Variants in STON2 observed in about 807,000 individuals in gnomAD.
STON2 encodes stonin-2.
In STON2, 29 loss-of-function variants were observed where a neutral mutation model predicts 65.7. The observed-to-expected ratio is 0.44, with a 90% CI of 0.33 to 0.60. The LOEUF (loss-of-function observed/expected upper bound fraction) is 0.60, where lower values mean the gene tolerates loss of function less well. STON2 is among the 20% of genes least tolerant of loss of function. The probability of loss-of-function intolerance (pLI) is 0.03; values close to 1 mark genes in which losing one functional copy is unlikely to be tolerated. For synonymous variants in STON2, 404 were observed against 414.2 expected (o/e 0.98, Z 0.30); for missense variants, 1,054 against 1,118.1 (o/e 0.94, Z 0.82).
chr14:81,429,934 CA>C lies in STON2; in HGVS notation c.-309-2723del, dbSNP rs371030408. On this transcript the variant is annotated intron_variant, in intron 1 of 8. Transcript: ENST00000553821. ...TGGGTGACACAGCAAGACTCTGTCT[CA>C]AAAAAAAAAAAAAGAAAAAAGTCAT... 9.2e-3 allele frequency among the ~76,000 whole-genome samples: 1,186 copies of C among 128,594 alleles called. 4 individuals are homozygous for C. Among genetic ancestry groups the C allele is most frequent in the South Asian group, 0.033 (134 of 4,070 alleles). The allele number at this position is 128,594 out of a possible 152,430, so 84.4% of individuals were successfully genotyped here.
intron 4 of STON2, among the ~76,000 whole-genome samples, chr14:81,335,214 TTA>T (rs920647184): frequency 6.6e-6 from 1 of 152,086 alleles, no homozygotes; most frequent in Non-Finnish European, 1.5e-5. Context: ...GACCCATTCT[TTA>T]TATAAAGACT....
intron 5 of STON2, among the ~76,000 whole-genome samples, chr14:81,298,417 G>GA (rs1555396826): frequency 1.1e-3 from 43 of 39,376 alleles, no homozygotes; most frequent in African/African-American, 4.0e-3. Flanking sequence ...CTTCAGATGG[G>GA]GGGGGGGAAT....
chr14:81,396,555 T>C (rs540798952), intron 2 of STON2, among the ~76,000 whole-genome samples: 72 of 152,326 alleles, frequency 4.7e-4, no homozygotes, highest in African/African-American at 1.7e-3. Context: ...GTGGGGACTG[T>C]GGCTGAACAA....
At position 81,412,744 on chromosome 14, in the gene STON2, T is replaced by G. The variant is rs183624189; in HGVS notation, c.-198-14164A>C. Among the ~76,000 whole-genome samples, 356 of 140,064 alleles carry G rather than the reference T, an allele frequency of 2.5e-3. 38 individuals are homozygous for G. Among genetic ancestry groups the G allele is most frequent in the Non-Finnish European group, 1.6e-3 (107 of 66,978 alleles). The allele number at this position is 140,064 out of a possible 152,430, so 91.9% of individuals were successfully genotyped here. On this transcript the variant is annotated intron_variant, in intron 2 of 8. Transcript: ENST00000553821. ...AGGTGGTCCATTTTATAGTTGTAAT[T>G]TAACAGAATTTTTTAAATTAAAAAA...
At chr14:81,411,983 G>T (rs1257156625) in intron 2 of STON2, among the ~76,000 whole-genome samples, 1 of 128,396 alleles carries the variant, frequency 7.8e-6, no homozygotes, top group African/African-American at 3.4e-5. Flanking sequence ...AAGTGAAGAG[G>T]ATTCAAGGTA....
At position 81,417,500 on chromosome 14, in the gene STON2, TAGG is replaced by T. The variant is rs538139230; in HGVS notation, c.-199+9599_-199+9601del. On this transcript the variant is annotated intron_variant, in intron 2 of 8. Coordinates refer to the STON2 transcript ENST00000553821. ...GGAAATAACAATTAAGCTTGGGTGA[TAGG>T]AGAATAGTAGTGCCATAGTATCTGA... 5.3e-5 allele frequency among the ~76,000 whole-genome samples: 8 copies of T among 152,262 alleles called. No homozygotes were observed. The East Asian group carries it at 1.5e-3, about 29-fold the overall frequency.
intron 5 of STON2, among the ~76,000 whole-genome samples, chr14:81,315,922 A>G (rs895687088): frequency 2.0e-5 from 3 of 152,240 alleles, no homozygotes; most frequent in Non-Finnish European, 4.4e-5. Context: ...CCAGAAAGGT[A>G]ACAACCTATC....
In STON2 at chr14:81,266,672, C is replaced by T. The variant is rs547988476; in HGVS notation, c.*1742G>A. Reference sequence around the variant, plus strand: ...AAAGCATGTAAGGCTTTTATTAACACCAGCTGACTACATTAGCTTTGTGAA... The same window carrying T: ...AAAGCATGTAAGGCTTTTATTAACATCAGCTGACTACATTAGCTTTGTGAA... On this transcript the variant is annotated 3_prime_UTR_variant, in exon 8 of 8. Coordinates refer to ENST00000614646, the MANE Select transcript of STON2 (RefSeq NM_001394390.1). 4.1e-6 allele frequency: 4 copies of T among 985,244 alleles called. No homozygotes were observed. In the South Asian group the frequency reaches 1.4e-4, roughly 35 times the overall value. 61.0% of individuals were successfully genotyped at this position (985,244 alleles called of 1,614,324 possible).
rs147885536 is a variant in STON2 at position 81,330,239 on chromosome 14, G to C, written c.572-6052C>G. Among the ~76,000 whole-genome samples the C allele has an allele frequency of 1.6e-3, 250 of 152,282 alleles. 1 individual carries two copies. Among genetic ancestry groups the C allele is most frequent in the African/African-American group, 5.8e-3 (241 of 41,556 alleles). ...AATTCAAATGCAATAATGCAGTGGA[G>C]AACCTGGCATGTGAGAGGTGCTGGT... On this transcript the variant is annotated intron_variant, in intron 4 of 7. Coordinates refer to ENST00000614646, the MANE Select transcript of STON2 (RefSeq NM_001394390.1).
chr14:81,282,490 G>C (rs1311263570), intron 5 of STON2, among the ~76,000 whole-genome samples: 1 of 152,072 alleles, frequency 6.6e-6, no homozygotes, highest in African/African-American at 2.4e-5. Context: ...AGTAGATGTA[G>C]GCTGTTCTTA....
At chr14:81,352,170 C>T (rs901634967) in intron 4 of STON2, among the ~76,000 whole-genome samples, 4 of 152,000 alleles carry the variant, frequency 2.6e-5, no homozygotes, top group Admixed American at 1.3e-4. Context: ...ATAATGCTAT[C>T]ATTATTATGG....
intron 5 of STON2, 83 bp from the exon 6 acceptor site, chr14:81,278,822 C>A: frequency 8.9e-7 from 1 of 1,117,632 alleles, no homozygotes; most frequent in African/African-American, 1.6e-5. Flanking sequence ...TGAGGGATTA[C>A]TAGAATTTTA....
chr14:81,296,609 G>T (rs1225933393), intron 5 of STON2, among the ~76,000 whole-genome samples: 4 of 152,104 alleles, frequency 2.6e-5, no homozygotes, highest in Non-Finnish European at 5.9e-5. Context: ...ATATATGAGA[G>T]AAGTCAAGCA....
intron 2 of STON2, among the ~76,000 whole-genome samples, chr14:81,407,639 CT>C (rs1900934789): frequency 6.6e-6 from 1 of 152,178 alleles, no homozygotes; most frequent in African/African-American, 2.4e-5. Context: ...ACATCTTCAA[CT>C]AGATCCTGGT....
intron 3 of STON2, among the ~76,000 whole-genome samples, chr14:81,391,037 A>G (rs1278831258): frequency 1.3e-5 from 2 of 152,154 alleles, no homozygotes; most frequent in African/African-American, 4.8e-5. Flanking sequence ...TGCCACTTTC[A>G]TAAGGATGCA....
At chr14:81,271,452 T>G (rs1455680800) in intron 6 of STON2, among the ~76,000 whole-genome samples, 2 of 152,180 alleles carry the variant, frequency 1.3e-5, no homozygotes, top group Non-Finnish European at 2.9e-5. Context: ...GCAGAACACC[T>G]GGGTTGGACT....
intron 3 of STON2, among the ~76,000 whole-genome samples, chr14:81,381,589 T>C (rs58324910): frequency 0.1 from 15,318 of 152,010 alleles, 1,990 homozygotes; most frequent in African/African-American, 0.3. Context: ...GCAATTTAAA[T>C]CACATGATAT....
chr14:81,309,557 T>C (rs1896343233), intron 5 of STON2, among the ~76,000 whole-genome samples: 1 of 152,222 alleles, frequency 6.6e-6, no homozygotes, highest in Non-Finnish European at 1.5e-5. Flanking sequence ...TCTGCAAATC[T>C]GATCCTTCCT....
At chr14:81,280,928 T>C (rs1895087320) in intron 5 of STON2, among the ~76,000 whole-genome samples, 2 of 151,174 alleles carry the variant, frequency 1.3e-5, no homozygotes, top group South Asian at 2.1e-4. Flanking sequence ...GGAGAAGTGC[T>C]TGAACCTGGG....
Sources: allele counts gnomAD v4.1 joint callset (sites outside exome capture counted in the v4.1 genomes callset), GRCh38; gene constraint gnomAD v4.1.1; transcripts MANE v1.5; gene names NCBI Gene and HGNC (gene_info 2026-07-23, HGNC 2026-07-21).